Variants in DSP observed in about 807,000 individuals in gnomAD.
The protein encoded by DSP is 250/210 kDa paraneoplastic pemphigus antigen.
A neutral mutation model predicts 290.6 loss-of-function variants in DSP; 114 were observed. The observed-to-expected ratio is 0.39, with a 90% CI of 0.34 to 0.46. The LOEUF is 0.46. Among genes scored for constraint, DSP ranks in the 20% least tolerant of loss-of-function variants. The pLI is 0.99. For missense variants in DSP, 3,230 were observed against 3,495.8 expected (o/e 0.92, Z 1.92); for synonymous variants, 1,311 against 1,316.4 (o/e 1.00, Z 0.09).
At position 7,580,032 on chromosome 6, in the gene DSP, G is replaced by A. The variant is rs757029634; in HGVS notation, c.3842G>A (p.Gly1281Asp). The change falls in exon 23 of 24, where the codon GGC becomes GAC. Residue 1281 changes from glycine (G) to aspartate (D), a missense_variant. By Grantham distance (94) the Gly-to-Asp change is moderately conservative. Coordinates refer to ENST00000379802, the MANE Select transcript of DSP (RefSeq NM_004415.4). This position sits in a 1 kb window ranked among gnomAD's most constrained non-coding sequence, Gnocchi z 4.2. Reference sequence around the variant, plus strand: ...AACGCCCTTCAGCAAAAGGCCTGTGGCTCTGAGATAATGCAGAAGAAGCAG... The same window carrying A: ...AACGCCCTTCAGCAAAAGGCCTGTGACTCTGAGATAATGCAGAAGAAGCAG... ...EENALQQKAC[G>D]SEIMQKKQHL... The A allele has an allele frequency of 1.2e-6, 2 of 1,614,148 alleles. No individual in the cohort carries two copies. The highest frequency in any genetic ancestry group is 1.7e-6 in the Non-Finnish European group (2 of 1,180,036).
In DSP at chr6:7,569,726, C is replaced by T. The variant is rs143694359; in HGVS notation, c.1574+386C>T. ...GTACATGCCTGTAATCCCAGCTACTCGGGAGGTTGAGGCAGGAGAATTGCT... is the reference window on the plus strand; with the variant it reads ...GTACATGCCTGTAATCCCAGCTACTTGGGAGGTTGAGGCAGGAGAATTGCT... On this transcript the variant is annotated intron_variant, in intron 12 of 23. Transcript: ENST00000379802. 2.3e-3 allele frequency among the ~76,000 whole-genome samples: 351 copies of T among 151,904 alleles called. 2 individuals are homozygous for T. Among genetic ancestry groups the T allele is most frequent in the African/African-American group, 7.6e-3 (315 of 41,418 alleles).
intron 1 of DSP, among the ~76,000 whole-genome samples, chr6:7,550,326 A>T (rs893471940): frequency 2.0e-5 from 3 of 151,882 alleles, no homozygotes; most frequent in Non-Finnish European, 4.4e-5. Flanking sequence ...AAGTGCTGGG[A>T]TTACAGGCAT....
chr6:7,558,278 A>G lies in DSP; in HGVS notation c.422+14A>G, dbSNP rs533188973. On this transcript the variant is annotated intron_variant, in intron 3 of 23. Transcript: ENST00000379802. ...TTACCAGAAAAGGTATTGTCCACAG[A>G]GCATGGATCGGGCAGTCCCCATGAA... The G allele has an allele frequency of 3.5e-5, 56 of 1,612,506 alleles. 1 individual carries two copies. In the African/African-American group the frequency reaches 7.2e-4, roughly 21 times the overall value.
intron 1 of DSP, among the ~76,000 whole-genome samples, chr6:7,552,140 TA>T (rs1049294115): frequency 3.7e-4 from 56 of 152,318 alleles, no homozygotes; most frequent in African/African-American, 1.3e-3. Context: ...TTCCAACACT[TA>T]AGCTTTTTAT....
intron 4 of DSP, among the ~76,000 whole-genome samples, chr6:7,560,368 T>C (rs1758643359): frequency 6.6e-6 from 1 of 152,202 alleles, no homozygotes; most frequent in East Asian, 1.9e-4. Flanking sequence ...GTTACCTTTT[T>C]CTCCCATTTA....
intron 11 of DSP, among the ~76,000 whole-genome samples, chr6:7,568,813 C>T (rs566825669): frequency 2.0e-5 from 3 of 152,270 alleles, no homozygotes; most frequent in South Asian, 2.1e-4. Flanking sequence ...TTTAAAAATT[C>T]GCAAGGCTTA....
chr6:7,569,722 T>G lies in DSP; in HGVS notation c.1574+382T>G, dbSNP rs59120077. Among the ~76,000 whole-genome samples, 735 of 152,122 alleles carry G rather than the reference T, an allele frequency of 4.8e-3. 6 individuals are homozygous for G. Among genetic ancestry groups the G allele is most frequent in the African/African-American group, 0.016 (672 of 41,488 alleles). On this transcript the variant is annotated intron_variant, in intron 12 of 23. Coordinates refer to ENST00000379802, the MANE Select transcript of DSP (RefSeq NM_004415.4). ...GGTGGTACATGCCTGTAATCCCAGC[T>G]ACTCGGGAGGTTGAGGCAGGAGAAT...
At chr6:7,560,850 A>G (rs184544796) in intron 4 of DSP, among the ~76,000 whole-genome samples, 1 of 152,254 alleles carries the variant, frequency 6.6e-6, no homozygotes, top group Non-Finnish European at 1.5e-5. Context: ...GTAATTTGTC[A>G]TTTTTTTGTA....
In DSP at chr6:7,559,131, A is replaced by G. The variant is rs75112225; in HGVS notation, c.423-95A>G. 8,167 of 1,391,728 alleles carry G rather than the reference A, an allele frequency of 5.9e-3. 357 individuals carry two copies. In the African/African-American group the frequency reaches 0.098, roughly 17 times the overall value. The allele number at this position is 1,391,728 out of a possible 1,614,324, so 86.2% of individuals were successfully genotyped here. Reference sequence around the variant, plus strand: ...ACCATAAAACATTTGTAGCTTCTCTATTGACACAAAAGACTCAGAAAAGGG... The same window carrying G: ...ACCATAAAACATTTGTAGCTTCTCTGTTGACACAAAAGACTCAGAAAAGGG... On this transcript the variant is annotated intron_variant, in intron 3 of 23. Transcript: ENST00000379802.
intron 20 of DSP, 27 bp from the exon 21 acceptor site, chr6:7,577,752 C>T (rs764169779): frequency 6.4e-7 from 1 of 1,573,984 alleles, no homozygotes; most frequent in South Asian, 1.1e-5. Flanking sequence ...ATGAAGGACA[C>T]TTTTCTTAAA....
Position 7,574,139 on chromosome 6 carries a change from T to A in DSP, c.2184T>A (p.Asp728Glu), listed in dbSNP as rs750383681. 12 of 1,614,138 alleles carry A rather than the reference T, an allele frequency of 7.4e-6. 1 individual carries two copies. In the South Asian group the frequency reaches 9.9e-5, roughly 13 times the overall value. ...AIAEVLNQLK[D>E]MLANFRGSEK... is the part of the protein sequence containing the mutation. ...CTGAGGTTCTCAACCAGCTTAAAGA[T>A]ATGCTTGCCAACTTCAGAGGTTCTG... Residue 728 changes from aspartate (D) to glutamate (E), a missense_variant, in exon 16 of 24, where the codon GAT becomes GAA. Transcript: ENST00000379802.
chr6:7,555,870 G>A (rs562014175), intron 2 of DSP, 50 bp downstream of exon 2: 135 of 1,555,270 alleles, frequency 8.7e-5, no homozygotes, highest in South Asian at 8.4e-4. Context: ...GGCCACACCC[G>A]ACTGTCCTCT....
intron 21 of DSP, 67 bp downstream of exon 21, chr6:7,577,953 C>CCT (rs1351166604): frequency 3.1e-6 from 4 of 1,275,464 alleles, no homozygotes; most frequent in East Asian, 2.3e-5. Context: ...TTCCCTGTCT[C>CCT]CTGCCTCTTC....
chr6:7,585,779 C>G lies in DSP; in HGVS notation c.8517C>G (p.Ser2839=). ...SRSGSRSGSR[S]GSRSGSRRGS... is the part of the protein sequence containing the mutation. ...CGGGATCTCGCTCCGGATCTCGCTC[C>G]GGGTCCCGCAGTGGGTCCCGGAGAG... Residue 2839 remains serine, a synonymous_variant, in exon 24 of 24, where the codon TCC becomes TCG. Transcript: ENST00000379802. 6.2e-7 allele frequency: 1 copy of G among 1,609,150 alleles called. No homozygotes were observed. The highest frequency in any genetic ancestry group is 8.5e-7 in the Non-Finnish European group (1 of 1,178,206).
chr6:7,579,430 G>A lies in DSP; in HGVS notation c.3240G>A (p.Glu1080=). The change falls in exon 23 of 24, where the codon GAG becomes GAA. Residue 1080 remains glutamate, a synonymous_variant. Coordinates refer to ENST00000379802, the MANE Select transcript of DSP (RefSeq NM_004415.4). The surrounding 1 kb of genome is among the most constrained non-coding windows in gnomAD (Gnocchi z 4.1). Reference sequence around the variant, plus strand: ...TCAAAGCGAAGCTTGCGAGCCTGGAGGAGCTGAAGAGACAGGCTGAGCTGG... The same window carrying A: ...TCAAAGCGAAGCTTGCGAGCCTGGAAGAGCTGAAGAGACAGGCTGAGCTGG... ...SQFKAKLASL[E]ELKRQAELDG... 1 of 1,614,190 alleles carries A rather than the reference G, an allele frequency of 6.2e-7. No homozygotes were observed. The highest frequency in any genetic ancestry group is 8.5e-7 in the Non-Finnish European group (1 of 1,180,038).
Position 7,542,024 on chromosome 6 carries a change from A to G in DSP, c.109A>G (p.Thr37Ala). ...CGAGGTGACCAGCGGCGGCGGGGGCACCAGCAGGATGTACTATTCTCGGCG... is the reference window on the plus strand; with the variant it reads ...CGAGGTGACCAGCGGCGGCGGGGGCGCCAGCAGGATGTACTATTCTCGGCG... Reference protein sequence around the residue: ...RYEVTSGGGGTSRMYYSRRGV... With the variant: ...RYEVTSGGGGASRMYYSRRGV... The change falls in exon 1 of 24, where the codon ACC (threonine) becomes GCC (alanine). Residue 37 changes from threonine (T) to alanine (A), a missense_variant. This residue lies in a region of DSP where 646 missense variants were observed against 684.3 expected (regional missense o/e 0.94). Transcript: ENST00000379802. 1 of 1,583,010 alleles carries G rather than the reference A, an allele frequency of 6.3e-7. No individual in the cohort carries two copies. Among genetic ancestry groups the G allele is most frequent in the South Asian group, 1.2e-5 (1 of 86,810 alleles).
chr6:7,567,659 A>T, intron 9 of DSP, 122 bp from the exon 10 acceptor site: 1 of 1,497,206 alleles, frequency 6.7e-7, no homozygotes, highest in Non-Finnish European at 9.2e-7. Flanking sequence ...TTCTGCACGA[A>T]TTTTTTCCTT....
Position 7,585,914 on chromosome 6 carries a change from A to G in DSP, c.*36A>G. On this transcript the variant is annotated 3_prime_UTR_variant, in exon 24 of 24. Transcript: ENST00000379802. ...GGAGTGGTTGCTATACCTTGACTTC[A>G]TTTATATGAATTTCCACTTTATTAA... 6.3e-7 allele frequency: 1 copy of G among 1,582,816 alleles called. No homozygotes were observed. The highest frequency in any genetic ancestry group is 8.7e-7 in the Non-Finnish European group (1 of 1,155,022).
In DSP at chr6:7,579,411, C is replaced by T. The variant is rs745849763; in HGVS notation, c.3221C>T (p.Ala1074Val). 4 of 1,613,952 alleles carry T rather than the reference C, an allele frequency of 2.5e-6. No individual in the cohort carries two copies. Among genetic ancestry groups the T allele is most frequent in the Non-Finnish European group, 2.5e-6 (3 of 1,180,030 alleles). The change falls in exon 23 of 24, where the codon GCG becomes GTG. Residue 1074 changes from alanine (A) to valine (V), a missense_variant. Around this residue, in one of 5 missense-constraint regions of DSP, gnomAD observed 1,714 missense variants for 1,844.5 expected, o/e 0.93. Transcript: ENST00000379802. The surrounding 1 kb of genome is among the most constrained non-coding windows in gnomAD (Gnocchi z 4.1). ...CAGGCAGAGTGTTCCCAGTTCAAAG[C>T]GAAGCTTGCGAGCCTGGAGGAGCTG... ...KYQAECSQFKAKLASLEELKR... is the reference protein window; with the variant it reads ...KYQAECSQFKVKLASLEELKR...
Sources: allele counts gnomAD v4.1 joint callset (sites outside exome capture counted in the v4.1 genomes callset), GRCh38; gene constraint gnomAD v4.1.1; regional missense constraint gnomAD v4.1.1; non-coding constraint Gnocchi (gnomAD v3.1); transcripts MANE v1.5; gene names NCBI Gene and HGNC (gene_info 2026-07-23, HGNC 2026-07-21).